Variants in DHX32 observed in about 807,000 individuals in gnomAD.
DHX32 encodes DEAH-box helicase 32 (putative).
A neutral mutation model predicts 70.0 loss-of-function variants in DHX32; 51 were observed. The ratio of observed to expected loss-of-function variants is 0.73; its 90% confidence interval spans 0.58 to 0.92. The LOEUF (loss-of-function observed/expected upper bound fraction) is 0.92. Among genes scored for constraint, DHX32 ranks in the 40% least tolerant of loss-of-function variants. The pLI is 0.00. For missense variants in DHX32, 762 were observed against 891.8 expected (o/e 0.85, Z 1.85); for synonymous variants, 310 against 315.3 (o/e 0.98, Z 0.18).
upstream of DHX32, among the ~76,000 whole-genome samples, chr10:125,884,975 T>C (rs1944334574): frequency 6.6e-6 from 1 of 152,122 alleles, no homozygotes; most frequent in Admixed American, 6.5e-5. Flanking sequence ...TTTAGTGCCA[T>C]CCATACTTGG....
chr10:125,841,777 T>C lies in DHX32; in HGVS notation c.1509A>G (p.Val503=). 1 of 1,612,756 alleles carries C rather than the reference T, an allele frequency of 6.2e-7. No individual in the cohort carries two copies. The highest frequency in any genetic ancestry group is 8.5e-7 in the Non-Finnish European group (1 of 1,179,794). ...TGGCTGCGATTGTTAGCACTTCATC[T>C]ACACAGTCAAATTCACAGGACGCTA... ...SILASCEFDC[V]DEVLTIAAMV... Residue 503 remains valine, a synonymous_variant, in exon 7 of 11, where the codon GTA becomes GTG. Coordinates refer to ENST00000284690, the MANE Select transcript of DHX32 (RefSeq NM_018180.3).
At chr10:125,879,557 GC>G (rs1290143204) in intron 1 of DHX32, among the ~76,000 whole-genome samples, 3 of 152,282 alleles carry the variant, frequency 2.0e-5, no homozygotes, top group African/African-American at 7.2e-5. Flanking sequence ...AAAGCTCACT[GC>G]CCTTGCTGCT....
chr10:125,888,193 G>C (rs1479513852), intron 1 of DHX32, among the ~76,000 whole-genome samples: 2 of 150,218 alleles, frequency 1.3e-5, no homozygotes, highest in African/African-American at 2.5e-5. Flanking sequence ...TTATCTGTTT[G>C]AGCAATGCAT....
At chr10:125,880,434 GTTT>G (rs1944310181) in intron 1 of DHX32, 106 bp downstream of exon 1, 1 of 1,156,616 alleles carries the variant, frequency 8.6e-7, no homozygotes, top group Admixed American at 3.1e-5. Flanking sequence ...ATAATGTTTT[GTTT>G]TTTGTTTTAG....
intron 1 of DHX32, among the ~76,000 whole-genome samples, chr10:125,876,100 A>G (rs996856730): frequency 6.6e-6 from 1 of 152,222 alleles, no homozygotes; most frequent in Non-Finnish European, 1.5e-5. Flanking sequence ...ATAGACCAGT[A>G]ACTCCTCTGT....
chr10:125,854,703 A>G (rs1944130789), intron 3 of DHX32: 1 of 152,752 alleles, frequency 6.5e-6, no homozygotes, highest in Admixed American at 6.5e-5. Context: ...AGGCCGCTCC[A>G]GGGGGTCCCA....
chr10:125,875,303 G>A (rs941006089), intron 1 of DHX32, among the ~76,000 whole-genome samples: 15 of 152,054 alleles, frequency 9.9e-5, no homozygotes, highest in Non-Finnish European at 1.6e-4. Flanking sequence ...ACCACTAAAC[G>A]GAACAAGGAC....
At chr10:125,867,340 T>C (rs1410090787) in intron 1 of DHX32, among the ~76,000 whole-genome samples, 157 bp from the exon 2 acceptor site, 2 of 152,108 alleles carry the variant, frequency 1.3e-5, no homozygotes, top group Non-Finnish European at 1.5e-5. Context: ...CTCTGAACAA[T>C]ATGGATTATG....
intron 1 of DHX32, among the ~76,000 whole-genome samples, chr10:125,873,135 G>A (rs975819721): frequency 4.6e-5 from 7 of 152,156 alleles, no homozygotes; most frequent in South Asian, 2.1e-4. Context: ...GAGCAGCAGC[G>A]GCATCACGTA....
chr10:125,861,957 C>G (rs565632778), intron 2 of DHX32, among the ~76,000 whole-genome samples: 3 of 151,760 alleles, frequency 2.0e-5, no homozygotes, highest in South Asian at 4.2e-4. Flanking sequence ...AAACAAACAT[C>G]TATTAAGCAC....
At position 125,836,777 on chromosome 10, in the gene DHX32, C is replaced by G. The variant is rs751893829; in HGVS notation, c.2142G>C (p.Val714=). ...SESKDILQQV[V]DHLSPVSTMN... is the part of the protein sequence containing the mutation. ...TTGTTGACACAGGGGATAGGTGATC[C>G]ACTACTTGCTGTAGAATGTCCTTAC... The change falls in exon 11 of 11, where the codon GTG becomes GTC. Residue 714 remains valine (V), a synonymous_variant. Transcript: ENST00000284690. The G allele has an allele frequency of 1.5e-5, 24 of 1,614,100 alleles. 1 individual carries two copies. In the Middle Eastern group the frequency reaches 2.3e-3, roughly 155 times the overall value.
At position 125,841,847 on chromosome 10, in the gene DHX32, A is replaced by G. The variant is rs137998421; in HGVS notation, c.1439T>C (p.Ile480Thr). ...NDGNLSEFGI[I>T]MSEFPLDPQL... is the part of the protein sequence containing the mutation. ...TGGATCAAGAGGAAACTCTGACATG[A>G]TGATTCCAAATTCAGAAAGATTTCC... The change falls in exon 7 of 11, where the codon ATC becomes ACC. Residue 480 changes from isoleucine (I) to threonine (T), a missense_variant. Physicochemically the swap from Ile to Thr is moderately conservative, Grantham distance 89. Around this residue, in one of 3 missense-constraint regions of DHX32, gnomAD observed 366 missense variants for 402.6 expected, o/e 0.91. Transcript: ENST00000284690. The G allele has an allele frequency of 9.9e-6, 16 of 1,613,726 alleles. No individual in the cohort carries two copies. The African/African-American group carries it at 1.5e-4, about 15-fold the overall frequency.
At chr10:125,882,955 T>C (rs529342607), upstream of DHX32, among the ~76,000 whole-genome samples, 40 of 152,322 alleles carry the variant, frequency 2.6e-4, no homozygotes, top group Admixed American at 1.8e-3. Flanking sequence ...AAATTGCTAT[T>C]AAATATTATA....
rs917380408 is a variant in DHX32, at chr10:125,838,348, G to A, written c.1921C>T (p.Leu641=). 6.2e-7 allele frequency: 1 copy of A among 1,607,688 alleles called. No individual in the cohort carries two copies. ...DVDGSGNYLM[L]THKQVAQLHP... is the part of the protein sequence containing the mutation. ...AGCTGAGCAACCTGCTTATGTGTCA[G>A]CATTAAGTAGTTACCTGATCCATCA... The change falls in exon 10 of 11, where the codon CTG becomes TTG. Residue 641 remains leucine, a synonymous_variant. Transcript: ENST00000284690.
At chr10:125,894,289 A>T (rs1282850674) in intron 1 of DHX32, among the ~76,000 whole-genome samples, 1 of 152,174 alleles carries the variant, frequency 6.6e-6, no homozygotes. Context: ...GTGTATCCCT[A>T]TATCCAAAAC....
chr10:125,884,451 T>C (rs970629622), upstream of DHX32, among the ~76,000 whole-genome samples: 5 of 152,244 alleles, frequency 3.3e-5, no homozygotes, highest in African/African-American at 4.8e-5. Context: ...ATCTGAAAGA[T>C]TGACATTTGC....
chr10:125,845,917 ACACACG>A (rs1449784534), intron 6 of DHX32, among the ~76,000 whole-genome samples: 5 of 152,184 alleles, frequency 3.3e-5, no homozygotes, highest in Non-Finnish European at 7.3e-5. Flanking sequence ...ATGGAAGGAA[ACACACG>A]CAGACCTTTG....
chr10:125,845,262 C>G (rs927575772), intron 6 of DHX32, among the ~76,000 whole-genome samples: 8 of 152,208 alleles, frequency 5.3e-5, no homozygotes, highest in Admixed American at 5.2e-4. Flanking sequence ...GGAAGTCTGT[C>G]TACTCAGGTG....
intron 1 of DHX32, among the ~76,000 whole-genome samples, chr10:125,888,633 GTTA>G (rs1399815083): frequency 6.6e-6 from 1 of 152,418 alleles, no homozygotes; most frequent in South Asian, 2.1e-4. Flanking sequence ...TTATAATTTT[GTTA>G]TTATATCTAA....
Sources: gnomAD v4.1 joint callset for allele counts (sites outside exome capture counted in the v4.1 genomes callset) on GRCh38, gnomAD v4.1.1 for gene constraint, gnomAD v4.1.1 regional missense constraint, MANE v1.5 for transcripts, NCBI Gene and HGNC (gene_info 2026-07-23, HGNC 2026-07-21) for gene names.